The following ZNF174 variants were observed in gnomAD, a reference collection of about 807,000 sequenced individuals.
ZNF174 encodes AW-1.
ZNF174 carries 30 observed loss-of-function variants against 38.7 expected under a neutral mutation model. That is an observed-to-expected ratio of 0.78 (90% CI 0.58 to 1.05). The LOEUF is 1.05. Ranked by LOEUF, ZNF174 falls within the 50% of genes least tolerant of loss-of-function variation. The pLI, the probability that ZNF174 is intolerant of heterozygous loss-of-function variation, is 0.00. For synonymous variants in ZNF174, 201 were observed against 181.7 expected, an observed-to-expected ratio of 1.11 and a Z score of -0.86; for missense variants, 499 against 495.6, an observed-to-expected ratio of 1.01 and a Z score of -0.06.
At position 3,404,981 on chromosome 16, in the gene ZNF174, T is replaced by C. The variant is rs2034034380; in HGVS notation, c.625+333T>C. 3 of 1,614,144 alleles carry C rather than the reference T, an allele frequency of 1.9e-6. No homozygotes were observed. The East Asian group carries it at 6.7e-5, about 36-fold the overall frequency. On this transcript the variant is annotated intron_variant, in intron 2 of 2. Transcript: ENST00000268655. ...CCATGCAAGCTATGGCTGAGTTTCA[T>C]TGCTTAAAATGCTCCTCTGTTTAGA...
rs375117856 is a variant in ZNF174 at position 3,408,568 on chromosome 16, C to T, written c.873C>T (p.Ser291=). The T allele has an allele frequency of 1.9e-6, 3 of 1,614,030 alleles. No individual in the cohort carries two copies. Among genetic ancestry groups the T allele is most frequent in the Non-Finnish European group, 2.5e-6 (3 of 1,180,048 alleles). ...RVEYISSPLK[S]HPLRELKKSK... ...AATACATCAGCAGCCCCCTAAAAAG[C>T]CACCCACTGAGAGAGCTAAAGAAAA... is the stretch of plus-strand genomic sequence containing the variant. Residue 291 remains serine, a synonymous_variant, in exon 3 of 3, where the codon AGC becomes AGT. Transcript: ENST00000268655.
At position 3,408,851 on chromosome 16, in the gene ZNF174, C is replaced by T. The variant is rs2034090027; in HGVS notation, c.1156C>T (p.Gln386Ter). The T allele has an allele frequency of 6.2e-7, 1 of 1,614,114 alleles. No homozygotes were observed. The highest frequency in any genetic ancestry group is 8.5e-7 in the Non-Finnish European group (1 of 1,180,008). ...TGGAGAGAAGCCATACCAGTGTGGC[C>T]AGTGTGGGAAAAGCTTTCGCCAGAG... ...HTGEKPYQCG[Q>*]CGKSFRQSSN... Residue 386 changes from glutamine (Q) to a stop codon, truncating the protein, a stop_gained, in exon 3 of 3, where the codon CAG becomes TAG. Transcript: ENST00000268655. LOFTEE classifies it high-confidence loss of function.
In ZNF174 at chr16:3,402,426, A is replaced by G. The variant is rs567790358; in HGVS notation, c.402+20A>G. On this transcript the variant is annotated intron_variant, in intron 1 of 2. Coordinates refer to ENST00000268655, the MANE Select transcript of ZNF174 (RefSeq NM_003450.3). ...CAGTGGGTAAGGAGGGTCCTCTCCC[A>G]TCATCCTGGGGATTTCTTTTTCTTT... 1 of 1,576,414 alleles carries G rather than the reference A, an allele frequency of 6.3e-7. No homozygotes were observed. Among genetic ancestry groups the G allele is most frequent in the South Asian group, 1.2e-5 (1 of 84,910 alleles).
chr16:3,408,176 T>A, intron 2 of ZNF174, 145 bp from the exon 3 acceptor site: 1 of 772,582 alleles, frequency 1.3e-6, no homozygotes. Context: ...AAGAGCCTGC[T>A]TGTTTAACAA....
At position 3,402,152 on chromosome 16, in the gene ZNF174, A is replaced by T; in HGVS notation, c.148A>T (p.Arg50Ter). The T allele has an allele frequency of 6.2e-7, 1 of 1,614,180 alleles. No homozygotes were observed. The highest frequency in any genetic ancestry group is 8.5e-7 in the Non-Finnish European group (1 of 1,180,030). Residue 50 changes from arginine to a stop codon, truncating the protein, a stop_gained, in exon 1 of 3, where the codon AGA becomes TGA. Transcript: ENST00000268655. LOFTEE classifies it high-confidence loss of function. ...PDPELCRQSF[R>*]RFCYQEVSGP... ...TCCTGAGCTCTGCCGCCAGAGCTTC[A>T]GACGCTTTTGTTATCAAGAGGTGTC...
Position 3,401,928 on chromosome 16 carries a change from T to G in ZNF174, c.-77T>G. ...CTTCGTTTCTAGAATCTTTCTAGTATTCAGAGACTTCTCCAGGGTCATGAT... is the reference window on the plus strand; with the variant it reads ...CTTCGTTTCTAGAATCTTTCTAGTAGTCAGAGACTTCTCCAGGGTCATGAT... On this transcript the variant is annotated 5_prime_UTR_variant, in exon 1 of 3. Coordinates refer to ENST00000268655, the MANE Select transcript of ZNF174 (RefSeq NM_003450.3). 6.5e-7 allele frequency: 1 copy of G among 1,534,162 alleles called. No homozygotes were observed.
At chr16:3,402,552 G>T (rs1596254699) in intron 1 of ZNF174, 146 bp downstream of exon 1, 2 of 806,960 alleles carry the variant, frequency 2.5e-6, no homozygotes, top group South Asian at 2.0e-5. Context: ...TCCGCCTCCC[G>T]GGTTCACGCC....
In ZNF174 at chr16:3,402,299, C is replaced by A; in HGVS notation, c.295C>A (p.Pro99Thr). ...GATGGAGCAGTTCCTGACCATCCTG[C>A]CCCCGGAGATCCAGGCTCGGGTCAG... ...LVMEQFLTIL[P>T]PEIQARVRHR... The change falls in exon 1 of 3, where the codon CCC (proline) becomes ACC (threonine). Residue 99 changes from proline (P) to threonine (T), a missense_variant. Coordinates refer to ENST00000268655, the MANE Select transcript of ZNF174 (RefSeq NM_003450.3). 1.2e-6 allele frequency: 2 copies of A among 1,614,052 alleles called. No individual in the cohort carries two copies. Among genetic ancestry groups the A allele is most frequent in the Non-Finnish European group, 1.7e-6 (2 of 1,180,010 alleles).
At position 3,402,817 on chromosome 16, in the gene ZNF174, A is replaced by G. The variant is rs79736392; in HGVS notation, c.402+411A>G. On this transcript the variant is annotated intron_variant, in intron 1 of 2. Coordinates refer to ENST00000268655, the MANE Select transcript of ZNF174 (RefSeq NM_003450.3). ...GGATCTCTCCCTATTTAAGTCTCAG[A>G]AGTGGACTGGATGGCTTCAGAAGTT... 3.3e-3 allele frequency among the ~76,000 whole-genome samples: 509 copies of G among 152,230 alleles called. 5 individuals are homozygous for G. Among genetic ancestry groups the G allele is most frequent in the East Asian group, 4.8e-3 (25 of 5,170 alleles).
chr16:3,402,855 T>C (rs745948629), intron 1 of ZNF174, among the ~76,000 whole-genome samples: 6 of 152,198 alleles, frequency 3.9e-5, no homozygotes, highest in Non-Finnish European at 8.8e-5. Flanking sequence ...TTCCAGCCTC[T>C]ATCTGGGAAC....
At position 3,408,403 on chromosome 16, in the gene ZNF174, T is replaced by C. The variant is rs1382998849; in HGVS notation, c.708T>C (p.Ala236=). The change falls in exon 3 of 3, where the codon GCT becomes GCC. Residue 236 remains alanine, a synonymous_variant. Transcript: ENST00000268655. ...AKGAKPCAVS[A]GRSKGNGLQN... is the part of the protein sequence containing the mutation. The stretch of plus-strand genomic sequence containing the variant: ...GAGCAAAGCCATGTGCAGTGTCAGC[T>C]GGCAGATCCAAAGGGAATGGTCTGC... The C allele has an allele frequency of 6.2e-7, 1 of 1,614,224 alleles. No individual in the cohort carries two copies. Among genetic ancestry groups the C allele is most frequent in the South Asian group, 1.1e-5 (1 of 91,086 alleles).
chr16:3,408,146 G>C (rs1340084443), intron 2 of ZNF174, among the ~76,000 whole-genome samples, 175 bp from the exon 3 acceptor site: 1 of 152,148 alleles, frequency 6.6e-6, no homozygotes, highest in Non-Finnish European at 1.5e-5. Context: ...TTCTGACCCA[G>C]CAGCTCTGGG....
Position 3,408,463 on chromosome 16 carries a change from A to T in ZNF174, c.768A>T (p.Glu256Asp). 6.2e-7 allele frequency: 1 copy of T among 1,614,160 alleles called. No homozygotes were observed. Among genetic ancestry groups the T allele is most frequent in the Non-Finnish European group, 8.5e-7 (1 of 1,180,032 alleles). Residue 256 changes from glutamate to aspartate, a missense_variant, in exon 3 of 3, where the codon GAA becomes GAT. Coordinates refer to ENST00000268655, the MANE Select transcript of ZNF174 (RefSeq NM_003450.3). ...NPEPRGANMS[E>D]PRLSRRQVSS... ...AACCAAGAGGGGCAAATATGAGTGA[A>T]CCTCGGTTGTCACGGAGGCAGGTCA...
At chr16:3,404,170 G>C (rs879448896) in intron 1 of ZNF174, among the ~76,000 whole-genome samples, 2 of 152,154 alleles carry the variant, frequency 1.3e-5, no homozygotes, top group African/African-American at 4.8e-5. Context: ...CAACTACCCT[G>C]ATGACTTTGA....
chr16:3,404,634 A>C lies in ZNF174; in HGVS notation c.611A>C (p.Lys204Thr), dbSNP rs185641808. 6.2e-7 allele frequency: 1 copy of C among 1,614,030 alleles called. No homozygotes were observed. The highest frequency in any genetic ancestry group is 2.2e-5 in the East Asian group (1 of 44,894). ...CCACTCCTCCAAGAACCAACCCCCA[A>C]ATTGGCTGGGACAGGTAAACACTCT... is the stretch of plus-strand genomic sequence containing the variant. The part of the protein sequence containing the change: ...KSPLLQEPTP[K>T]LAGTEAPRMR... The change falls in exon 2 of 3, where the codon AAA becomes ACA. Residue 204 changes from lysine to threonine, a missense_variant. Transcript: ENST00000268655.
At chr16:3,405,038 A>G (rs2034035744) in intron 2 of ZNF174, 1 of 1,593,146 alleles carries the variant, frequency 6.3e-7, no homozygotes, top group South Asian at 1.1e-5. Context: ...CCCACCCTAT[A>G]TCTTATATCT....
In ZNF174 at chr16:3,408,996, A is replaced by C; in HGVS notation, c.*77A>C. ...CCCCCTTACTTGCATGTAAATCACA[A>C]AAACTGTGTGACTTACAAGGAAAGC... On this transcript the variant is annotated 3_prime_UTR_variant, in exon 3 of 3. Coordinates refer to ENST00000268655, the MANE Select transcript of ZNF174 (RefSeq NM_003450.3). 1 of 1,376,188 alleles carries C rather than the reference A, an allele frequency of 7.3e-7. No homozygotes were observed. The highest frequency in any genetic ancestry group is 9.9e-7 in the Non-Finnish European group (1 of 1,007,252). The allele number at this position is 1,376,188 out of a possible 1,614,324, so 85.2% of individuals were successfully genotyped here. A position where few individuals can be genotyped will look rare whatever the true frequency, so the allele number is the denominator to read the frequency against.
Position 3,402,283 on chromosome 16 carries a change from G to T in ZNF174, c.279G>T (p.Gln93His). 1 of 1,614,098 alleles carries T rather than the reference G, an allele frequency of 6.2e-7. No individual in the cohort carries two copies. Among genetic ancestry groups the T allele is most frequent in the Non-Finnish European group, 8.5e-7 (1 of 1,180,030 alleles). The change falls in exon 1 of 3, where the codon CAG becomes CAT. Residue 93 changes from glutamine to histidine, a missense_variant. Gln to His is a conservative substitution (Grantham distance 24). Coordinates refer to ENST00000268655, the MANE Select transcript of ZNF174 (RefSeq NM_003450.3). ...TTTTGGAGCTTCTGGTGATGGAGCA[G>T]TTCCTGACCATCCTGCCCCCGGAGA... ...EQILELLVME[Q>H]FLTILPPEIQ...
chr16:3,404,881 G>C (rs758222117), intron 2 of ZNF174: 5 of 1,612,402 alleles, frequency 3.1e-6, no homozygotes, highest in Non-Finnish European at 3.4e-6. Flanking sequence ...GCATGACAGG[G>C]TTGTACCTAC....
Sources: allele counts gnomAD v4.1 joint callset (sites outside exome capture counted in the v4.1 genomes callset), GRCh38; gene constraint gnomAD v4.1.1; transcripts MANE v1.5; gene names NCBI Gene and HGNC (gene_info 2026-07-23, HGNC 2026-07-21).